The following PTPRK variants were observed in gnomAD, a reference collection of about 807,000 sequenced individuals.
PTPRK encodes the protein protein tyrosine phosphatase receptor type K, also known as receptor-type tyrosine-protein phosphatase kappa.
PTPRK carries 75 observed loss-of-function variants against 178.0 expected under a neutral mutation model. That is an observed-to-expected ratio of 0.42 (90% CI 0.35 to 0.51). The LOEUF (loss-of-function observed/expected upper bound fraction) is 0.51, where lower values mean the gene tolerates loss of function less well. Among genes scored for constraint, PTPRK ranks in the 20% least tolerant of loss-of-function variants. PTPRK has a pLI of 0.02. For missense variants in PTPRK, 1,441 were observed against 1,797.8 expected, an observed-to-expected ratio of 0.80 and a Z score of 3.59; for synonymous variants, 637 against 620.6, an observed-to-expected ratio of 1.03 and a Z score of -0.39.
intron 3 of PTPRK, among the ~76,000 whole-genome samples, chr6:128,315,194 T>C (rs1438216951): frequency 2.0e-5 from 3 of 152,298 alleles, no homozygotes; most frequent in Non-Finnish European, 2.9e-5. Context: ...CTAATTATTA[T>C]ATTTGTGATG....
At chr6:128,001,224 C>A in intron 15 of PTPRK, 1 of 1,531,400 alleles carries the variant, frequency 6.5e-7, no homozygotes, top group Non-Finnish European at 8.8e-7. Flanking sequence ...CCCAATGAAG[C>A]AGTAAAACAC....
At chr6:128,513,073 T>C (rs1857410559) in intron 1 of PTPRK, among the ~76,000 whole-genome samples, 1 of 152,222 alleles carries the variant, frequency 6.6e-6, no homozygotes, top group Non-Finnish European at 1.5e-5. Flanking sequence ...ACTTTTAGTC[T>C]CTTATGAAAA....
At chr6:128,013,252 C>A (rs984957496) in intron 13 of PTPRK, among the ~76,000 whole-genome samples, 1 of 151,282 alleles carries the variant, frequency 6.6e-6, no homozygotes, top group Non-Finnish European at 1.5e-5. Flanking sequence ...AATAGGTGCC[C>A]CTTTGAGTTC....
chr6:128,450,795 T>C (rs1847689778), intron 1 of PTPRK, among the ~76,000 whole-genome samples: 1 of 152,240 alleles, frequency 6.6e-6, no homozygotes, highest in South Asian at 2.1e-4. Flanking sequence ...ATCACAATCG[T>C]TATGTCATTT....
intron 3 of PTPRK, among the ~76,000 whole-genome samples, chr6:128,270,031 C>T (rs1819553811): frequency 6.6e-6 from 1 of 152,014 alleles, no homozygotes; most frequent in Admixed American, 6.6e-5. Context: ...ACCTGCTAGT[C>T]GATTATCCTT....
Position 128,111,344 on chromosome 6 carries a change from C to T in PTPRK, c.1163-21352G>A, listed in dbSNP as rs190986642. Among the ~76,000 whole-genome samples the T allele has an allele frequency of 4.6e-3, 702 of 152,250 alleles. 4 individuals carry two copies. Among genetic ancestry groups the T allele is most frequent in the Middle Eastern group, 0.017 (5 of 294 alleles). The stretch of plus-strand genomic sequence containing the variant: ...CTGGTTTAACCCTAGATCCAAACAT[C>T]CAGAACTGCCAGTAACTAAATATCT... On this transcript the variant is annotated intron_variant, in intron 7 of 29. Transcript: ENST00000368226.
chr6:128,090,068 T>C, intron 7 of PTPRK, 76 bp from the exon 8 acceptor site: 2 of 1,119,210 alleles, frequency 1.8e-6, no homozygotes, highest in Middle Eastern at 2.1e-4. Context: ...ACACCAAGTA[T>C]AATATAGCAT....
intron 3 of PTPRK, chr6:128,321,205 T>A (rs1213559500): frequency 1.3e-5 from 2 of 152,386 alleles, no homozygotes; most frequent in African/African-American, 4.8e-5. Context: ...TCTTTAGGCT[T>A]TATAATAAGC....
At chr6:128,157,613 A>G (rs1013912919) in intron 7 of PTPRK, among the ~76,000 whole-genome samples, 4 of 151,900 alleles carry the variant, frequency 2.6e-5, no homozygotes, top group Non-Finnish European at 5.9e-5. Context: ...TATTTAAAGT[A>G]TCTATAAGGA....
At chr6:128,432,476 T>C (rs935271916) in intron 1 of PTPRK, among the ~76,000 whole-genome samples, 1 of 152,226 alleles carries the variant, frequency 6.6e-6, no homozygotes, top group African/African-American at 2.4e-5. Context: ...GCCTTGATAG[T>C]TTAACATGCT....
chr6:128,273,874 G>C (rs1321985322), intron 3 of PTPRK, among the ~76,000 whole-genome samples: 2 of 152,016 alleles, frequency 1.3e-5, no homozygotes, highest in Non-Finnish European at 2.9e-5. Flanking sequence ...AAATCAAACA[G>C]TTAGTTGTTC....
intron 4 of PTPRK, among the ~76,000 whole-genome samples, chr6:128,241,493 A>G (rs1814443769): frequency 6.6e-6 from 1 of 152,230 alleles, no homozygotes; most frequent in African/African-American, 2.4e-5. Context: ...AAGAGGCCCC[A>G]GCCTGCTGCT....
intron 6 of PTPRK, among the ~76,000 whole-genome samples, chr6:128,216,905 G>C (rs896601414): frequency 2.0e-5 from 3 of 152,100 alleles, no homozygotes; most frequent in African/African-American, 7.2e-5. Flanking sequence ...AAAATGTATA[G>C]ATAACTATAT....
chr6:128,185,184 G>T (rs1475304403), intron 6 of PTPRK, among the ~76,000 whole-genome samples: 1 of 152,096 alleles, frequency 6.6e-6, no homozygotes, highest in African/African-American at 2.4e-5. Context: ...ACCGAACTCA[G>T]AAAGTGATGC....
At chr6:128,280,886 A>T (rs1821563600) in intron 3 of PTPRK, among the ~76,000 whole-genome samples, 1 of 152,178 alleles carries the variant, frequency 6.6e-6, no homozygotes, top group South Asian at 2.1e-4. Flanking sequence ...GAATATTTTT[A>T]AAGTCTATTT....
intron 3 of PTPRK, among the ~76,000 whole-genome samples, chr6:128,259,601 A>C (rs1028111691): frequency 1.3e-5 from 2 of 152,162 alleles, no homozygotes; most frequent in Non-Finnish European, 2.9e-5. Flanking sequence ...GTATTTCTTC[A>C]ATGATTTCGT....
intron 5 of PTPRK, among the ~76,000 whole-genome samples, chr6:128,236,188 A>G (rs1326433627): frequency 6.6e-6 from 1 of 152,110 alleles, no homozygotes; most frequent in African/African-American, 2.4e-5. Context: ...TAAAACTTAG[A>G]AGATTTAAAA....
intron 6 of PTPRK, 35 bp downstream of exon 6, chr6:128,218,887 T>C (rs1809855687): frequency 2.6e-6 from 4 of 1,538,216 alleles, no homozygotes; most frequent in Non-Finnish European, 2.7e-6. Flanking sequence ...AATAAAGCCA[T>C]GCAATTTCGT....
intron 1 of PTPRK, among the ~76,000 whole-genome samples, chr6:128,514,944 T>G (rs1240539745): frequency 6.6e-6 from 1 of 152,338 alleles, no homozygotes; most frequent in Non-Finnish European, 1.5e-5. Flanking sequence ...ATAAACATAC[T>G]TCCCACAACA....
Sources: gnomAD v4.1 joint callset for allele counts (sites outside exome capture counted in the v4.1 genomes callset) on GRCh38, gnomAD v4.1.1 for gene constraint, MANE v1.5 for transcripts, NCBI Gene and HGNC (gene_info 2026-07-23, HGNC 2026-07-21) for gene names.